SGCZ: variants seen among roughly 807,000 people sequenced by gnomAD.
SGCZ encodes the protein zeta-sarcoglycan.
In SGCZ, 40 loss-of-function variants were observed where a neutral mutation model predicts 41.3. The observed-to-expected ratio is 0.97, with a 90% CI of 0.75 to 1.26. The LOEUF is 1.26. Ranked by LOEUF, SGCZ falls within the 50% of genes most tolerant of loss-of-function variation. SGCZ has a pLI of 0.00. For synonymous variants in SGCZ, 206 were observed against 137.5 expected, an observed-to-expected ratio of 1.50 and a Z score of -3.49; for missense variants, 552 against 369.8, an observed-to-expected ratio of 1.49 and a Z score of -4.04.
intron 3 of SGCZ, among the ~76,000 whole-genome samples, chr8:14,244,638 T>C (rs926857999): frequency 1.3e-5 from 2 of 151,592 alleles, no homozygotes; most frequent in Admixed American, 1.3e-4. Flanking sequence ...AGAAAGGCAT[T>C]GGTAGCTTGA....
intron 1 of SGCZ, among the ~76,000 whole-genome samples, chr8:15,171,185 G>C (rs1033613346): frequency 5.3e-5 from 8 of 152,108 alleles, no homozygotes; most frequent in African/African-American, 1.9e-4. Flanking sequence ...ATTGAAAAAA[G>C]ATAAAGTAGT....
intron 1 of SGCZ, among the ~76,000 whole-genome samples, chr8:15,046,921 A>G (rs140103274): frequency 7.2e-4 from 109 of 152,176 alleles, no homozygotes; most frequent in African/African-American, 2.6e-3. Flanking sequence ...CCATCTTAGA[A>G]TATACAGGAA....
intron 1 of SGCZ, among the ~76,000 whole-genome samples, chr8:14,864,390 C>T (rs955861829): frequency 4.7e-4 from 72 of 152,250 alleles, no homozygotes; most frequent in African/African-American, 1.6e-3. Flanking sequence ...ATAACCTAGA[C>T]TTTTATGTCC....
At chr8:14,317,839 C>T (rs1262619180) in intron 3 of SGCZ, among the ~76,000 whole-genome samples, 1 of 151,898 alleles carries the variant, frequency 6.6e-6, no homozygotes, top group Non-Finnish European at 1.5e-5. Flanking sequence ...TTAAATGTAA[C>T]CATAATTAGC....
chr8:14,335,208 C>T (rs999124887), intron 2 of SGCZ, among the ~76,000 whole-genome samples: 1 of 152,048 alleles, frequency 6.6e-6, no homozygotes, highest in Non-Finnish European at 1.5e-5. Context: ...TAACATTTAG[C>T]CTCTTAGACT....
At chr8:14,522,544 G>T (rs1279932663) in intron 2 of SGCZ, among the ~76,000 whole-genome samples, 1 of 151,574 alleles carries the variant, frequency 6.6e-6, no homozygotes, top group African/African-American at 2.4e-5. Flanking sequence ...TTATCCTTTT[G>T]ATGTCTGCAG....
At chr8:14,904,791 G>C (rs539974259) in intron 1 of SGCZ, among the ~76,000 whole-genome samples, 2 of 151,822 alleles carry the variant, frequency 1.3e-5, no homozygotes, top group Non-Finnish European at 3.0e-5. Context: ...TACACTTTTT[G>C]CCAGTAATTC....
intron 1 of SGCZ, among the ~76,000 whole-genome samples, chr8:14,568,463 A>G (rs1222520503): frequency 6.8e-6 from 1 of 146,102 alleles, no homozygotes; most frequent in African/African-American, 2.6e-5. Flanking sequence ...AAAAAAAACT[A>G]AAGAAGATGC....
intron 1 of SGCZ, among the ~76,000 whole-genome samples, chr8:15,057,433 C>T (rs1392594058): frequency 6.6e-6 from 1 of 152,086 alleles, no homozygotes; most frequent in African/African-American, 2.4e-5. Flanking sequence ...TATTGCATAC[C>T]AGAGATAATC....
intron 1 of SGCZ, among the ~76,000 whole-genome samples, chr8:15,154,919 G>A (rs1799286647): frequency 6.6e-6 from 1 of 152,162 alleles, no homozygotes; most frequent in Non-Finnish European, 1.5e-5. Flanking sequence ...GCAGTGTAGG[G>A]TAAAATTAAT....
intron 2 of SGCZ, among the ~76,000 whole-genome samples, chr8:14,343,250 C>T (rs982969746): frequency 5.3e-5 from 8 of 152,168 alleles, no homozygotes; most frequent in African/African-American, 1.9e-4. Flanking sequence ...GGGGTCAGAG[C>T]CCCCACACAG....
At chr8:14,793,631 G>T (rs1336171015) in intron 1 of SGCZ, among the ~76,000 whole-genome samples, 7 of 152,076 alleles carry the variant, frequency 4.6e-5, no homozygotes, top group Admixed American at 4.6e-4. Context: ...TCTGAGATTT[G>T]TACACCCAGG....
chr8:14,431,913 C>A (rs113600432), intron 2 of SGCZ, among the ~76,000 whole-genome samples: 2,957 of 152,078 alleles, frequency 0.019, 55 homozygotes, highest in Middle Eastern at 0.037. Flanking sequence ...CAATGGCCAA[C>A]AAACATATGA....
chr8:14,613,308 T>C (rs1805989773), intron 1 of SGCZ, among the ~76,000 whole-genome samples: 1 of 152,222 alleles, frequency 6.6e-6, no homozygotes, highest in Admixed American at 6.5e-5. Context: ...ATTATTTTGA[T>C]TTTATTGAAC....
chr8:14,095,275 T>G (rs1257598947), intron 7 of SGCZ, among the ~76,000 whole-genome samples: 4 of 152,176 alleles, frequency 2.6e-5, no homozygotes, highest in Non-Finnish European at 5.9e-5. Flanking sequence ...TTTAAGTTTT[T>G]AATCCATCTT....
intron 2 of SGCZ, among the ~76,000 whole-genome samples, chr8:14,422,769 T>C (rs1317621086): frequency 6.6e-6 from 1 of 152,168 alleles, no homozygotes; most frequent in Admixed American, 6.5e-5. Flanking sequence ...TCTCTTTTAG[T>C]TATTAACACT....
intron 3 of SGCZ, among the ~76,000 whole-genome samples, chr8:14,307,362 T>C (rs1185399057): frequency 6.6e-6 from 1 of 152,196 alleles, no homozygotes; most frequent in Non-Finnish European, 1.5e-5. Context: ...TCAAAACTTC[T>C]ATTTGCATAT....
chr8:15,074,851 C>T (rs952370217), intron 1 of SGCZ, among the ~76,000 whole-genome samples: 2 of 152,086 alleles, frequency 1.3e-5, no homozygotes, highest in African/African-American at 4.8e-5. Flanking sequence ...GTCACTCACC[C>T]CCAGTACACT....
At chr8:14,154,612 G>A (rs973895855) in intron 5 of SGCZ, among the ~76,000 whole-genome samples, 2 of 152,174 alleles carry the variant, frequency 1.3e-5, no homozygotes, top group Non-Finnish European at 2.9e-5. Flanking sequence ...AAAAATTGTT[G>A]TATATTCTTT....
Sources: allele counts gnomAD v4.1 joint callset (sites outside exome capture counted in the v4.1 genomes callset), GRCh38; gene constraint gnomAD v4.1.1; transcripts MANE v1.5; gene names NCBI Gene and HGNC (gene_info 2026-07-23, HGNC 2026-07-21).